The following FTCDNL1 variants were observed in gnomAD, a reference collection of about 807,000 sequenced individuals.
FTCDNL1 encodes formiminotransferase N-terminal subdomain-containing protein.
A neutral mutation model predicts 5.9 loss-of-function variants in FTCDNL1; 11 were observed. That is an observed-to-expected ratio of 1.87 (90% confidence interval 1.18 to 3.10). The LOEUF (loss-of-function observed/expected upper bound fraction) is 3.10, where lower values mean the gene tolerates loss of function less well. Among genes scored for constraint, FTCDNL1 ranks in the 30% most tolerant of loss-of-function variants. FTCDNL1 has a pLI of 0.00. For synonymous variants in FTCDNL1, 58 were observed against 24.8 expected, an observed-to-expected ratio of 2.34 and a Z score of -3.99; for missense variants, 115 against 65.5, an observed-to-expected ratio of 1.76 and a Z score of -2.61.
intron 3 of FTCDNL1, among the ~76,000 whole-genome samples, chr2:199,833,999 C>A (rs1702546406): frequency 6.6e-6 from 1 of 152,198 alleles, no homozygotes; most frequent in South Asian, 2.1e-4. Context: ...GAATTGCGTT[C>A]TCCAAAAATG....
the FTCDNL1 span, among the ~76,000 whole-genome samples, chr2:199,684,103 A>C: frequency 6.6e-6 from 1 of 152,228 alleles, no homozygotes; most frequent in Non-Finnish European, 1.5e-5. Flanking sequence ...CAAAGAATTA[A>C]ACTACATTTA....
At chr2:199,818,652 T>A (rs1701497455) in intron 4 of FTCDNL1, 1 of 152,022 alleles carries the variant, frequency 6.6e-6, no homozygotes, top group African/African-American at 2.4e-5. Flanking sequence ...TTGTTTAAGA[T>A]CAGAATTCTG....
At chr2:199,800,693 T>C (rs929652304) in intron 3 of FTCDNL1, among the ~76,000 whole-genome samples, 2 of 152,204 alleles carry the variant, frequency 1.3e-5, no homozygotes, top group South Asian at 4.1e-4. Context: ...AATAACTCAT[T>C]CCTTTATTTA....
the FTCDNL1 span, among the ~76,000 whole-genome samples, chr2:199,703,940 A>G: frequency 3.9e-5 from 6 of 152,142 alleles, no homozygotes; most frequent in African/African-American, 9.7e-5. Context: ...ATGAAGGTCT[A>G]CGGAGTAGGC....
At chr2:199,797,856 T>A (rs1247240948) in intron 3 of FTCDNL1, among the ~76,000 whole-genome samples, 2 of 152,190 alleles carry the variant, frequency 1.3e-5, no homozygotes, top group African/African-American at 2.4e-5. Context: ...GAACCTGGCA[T>A]CGTTTTTGCT....
intron 4 of FTCDNL1, among the ~76,000 whole-genome samples, chr2:199,816,069 A>T (rs976233745): frequency 6.6e-6 from 1 of 152,194 alleles, no homozygotes; most frequent in Non-Finnish European, 1.5e-5. Context: ...AAGGAAGAAT[A>T]TGTGCAATTA....
At chr2:199,739,357 C>T in the FTCDNL1 span, among the ~76,000 whole-genome samples, 3 of 152,220 alleles carry the variant, frequency 2.0e-5, no homozygotes, top group East Asian at 3.9e-4. Context: ...ATGTGTGCTG[C>T]GAATTTTTTA....
At chr2:199,778,426 A>G (rs1036028860) in intron 3 of FTCDNL1, among the ~76,000 whole-genome samples, 1 of 152,198 alleles carries the variant, frequency 6.6e-6, no homozygotes, top group African/African-American at 2.4e-5. Context: ...TTTGCAGAGA[A>G]CACATTCCTT....
chr2:199,776,958 A>G (rs1047346054), intron 3 of FTCDNL1, among the ~76,000 whole-genome samples: 56 of 136,210 alleles, frequency 4.1e-4, no homozygotes, highest in African/African-American at 1.2e-3. Flanking sequence ...ATGTGTGTAT[A>G]TGTGTGTGTG....
At chr2:199,665,001 A>G in the FTCDNL1 span, among the ~76,000 whole-genome samples, 1 of 152,244 alleles carries the variant, frequency 6.6e-6, no homozygotes, top group Non-Finnish European at 1.5e-5. Context: ...GTTTAAAAGA[A>G]AAATTAAGTC....
chr2:199,741,991 C>G, the FTCDNL1 span, among the ~76,000 whole-genome samples: 1 of 152,128 alleles, frequency 6.6e-6, no homozygotes, highest in African/African-American at 2.4e-5. Flanking sequence ...TTTTCATAAA[C>G]CAATACTTGC....
At chr2:199,738,403 C>G in the FTCDNL1 span, among the ~76,000 whole-genome samples, 1 of 152,074 alleles carries the variant, frequency 6.6e-6, no homozygotes, top group African/African-American at 2.4e-5. Flanking sequence ...TAATAAAGAG[C>G]CTGGTTTACA....
At chr2:199,729,613 G>A in the FTCDNL1 span, among the ~76,000 whole-genome samples, 1 of 152,134 alleles carries the variant, frequency 6.6e-6, no homozygotes, top group Non-Finnish European at 1.5e-5. Context: ...TTGCTACAGA[G>A]AGAATAAAAT....
At chr2:199,747,259 G>C in the FTCDNL1 span, among the ~76,000 whole-genome samples, 1 of 152,126 alleles carries the variant, frequency 6.6e-6, no homozygotes, top group Non-Finnish European at 1.5e-5. Context: ...TCAAATGTTC[G>C]AAAATTCATC....
chr2:199,849,261 C>A (rs564788071), intron 1 of FTCDNL1, among the ~76,000 whole-genome samples: 3 of 152,184 alleles, frequency 2.0e-5, no homozygotes, highest in Non-Finnish European at 4.4e-5. Flanking sequence ...AGTATGTTAT[C>A]CCATTTTAAG....
chr2:199,765,556 A>ATATATATTTTTT, intron 3 of FTCDNL1, among the ~76,000 whole-genome samples: 8 of 42,644 alleles, frequency 1.9e-4, no homozygotes, highest in Non-Finnish European at 2.9e-4. Context: ...ATATATATAT[A>ATATATATTTTTT]TTTTTTTTTT....
intron 4 of FTCDNL1, among the ~76,000 whole-genome samples, chr2:199,813,953 A>G (rs1466125982): frequency 1.4e-5 from 2 of 145,996 alleles, no homozygotes; most frequent in African/African-American, 5.1e-5. Context: ...ATACTTTTTT[A>G]CTGAAAACCT....
chr2:199,829,852 C>A (rs751262959), intron 3 of FTCDNL1, among the ~76,000 whole-genome samples: 3 of 152,178 alleles, frequency 2.0e-5, no homozygotes, highest in Non-Finnish European at 4.4e-5. Flanking sequence ...GACCTCAAGT[C>A]TGTCATTCCC....
At chr2:199,708,752 A>G in the FTCDNL1 span, among the ~76,000 whole-genome samples, 2 of 152,140 alleles carry the variant, frequency 1.3e-5, no homozygotes, top group Non-Finnish European at 2.9e-5. Flanking sequence ...GGAAGATTCT[A>G]TGAGCTTAGA....
Sources: allele counts gnomAD v4.1 joint callset (sites outside exome capture counted in the v4.1 genomes callset), GRCh38; gene constraint gnomAD v4.1.1; transcripts MANE v1.5; gene names NCBI Gene and HGNC (gene_info 2026-07-23, HGNC 2026-07-21).